Variants in RIMS1 observed in about 807,000 individuals in gnomAD.
RIMS1 encodes the protein regulating synaptic membrane exocytosis protein 1.
Under a neutral mutation model 214.1 loss-of-function variants are expected in RIMS1, and 83 were observed. The observed-to-expected ratio is 0.39, with a 90% CI of 0.32 to 0.47. The LOEUF (loss-of-function observed/expected upper bound fraction) is 0.47. RIMS1 is among the 20% of genes least tolerant of loss of function. The pLI is 0.99. For synonymous variants in RIMS1, 793 were observed against 786.8 expected (o/e 1.01, Z -0.13); for missense variants, 2,050 against 2,161.8 (o/e 0.95, Z 1.03).
intron 29 of RIMS1, among the ~76,000 whole-genome samples, chr6:72,358,901 T>C (rs2097731712): frequency 6.6e-6 from 1 of 152,196 alleles, no homozygotes; most frequent in Non-Finnish European, 1.5e-5. Flanking sequence ...ATACACTGAC[T>C]GCCCTCAGAG....
At chr6:72,390,968 T>C in intron 30 of RIMS1, 1 of 397,360 alleles carries the variant, frequency 2.5e-6, no homozygotes, top group Non-Finnish European at 4.4e-6. Flanking sequence ...CATGAACAAA[T>C]TGATTTCTTG....
intron 2 of RIMS1, among the ~76,000 whole-genome samples, chr6:72,033,182 A>T (rs1818630050): frequency 6.6e-6 from 1 of 152,310 alleles, no homozygotes; most frequent in East Asian, 1.9e-4. Flanking sequence ...CCTTAGATCT[A>T]CAGTTCAAAA....
intron 26 of RIMS1, among the ~76,000 whole-genome samples, chr6:72,304,656 C>T (rs1435613423): frequency 2.6e-5 from 4 of 151,822 alleles, no homozygotes; most frequent in Non-Finnish European, 5.9e-5. Context: ...CACATTTACA[C>T]TGAAGGTTTT....
At chr6:72,161,869 T>C (rs2045474768) in intron 4 of RIMS1, among the ~76,000 whole-genome samples, 1 of 140,934 alleles carries the variant, frequency 7.1e-6, no homozygotes, top group African/African-American at 2.5e-5. Flanking sequence ...ATTCTGTTGA[T>C]TTGGGGTGGA....
At chr6:72,061,658 T>A (rs1827888625) in intron 2 of RIMS1, among the ~76,000 whole-genome samples, 1 of 152,254 alleles carries the variant, frequency 6.6e-6, no homozygotes, top group Non-Finnish European at 1.5e-5. Flanking sequence ...CGGACCCTCC[T>A]CTAGTTTTCT....
intron 2 of RIMS1, among the ~76,000 whole-genome samples, chr6:72,095,735 T>C (rs1395520564): frequency 6.6e-6 from 1 of 152,238 alleles, no homozygotes; most frequent in Admixed American, 6.5e-5. Context: ...CCTAACTTAT[T>C]TGATTCTATT....
At chr6:72,335,813 C>T (rs925932362) in intron 29 of RIMS1, among the ~76,000 whole-genome samples, 1 of 151,942 alleles carries the variant, frequency 6.6e-6, no homozygotes, top group Non-Finnish European at 1.5e-5. Flanking sequence ...TTGCATTTCT[C>T]TAATGACCAG....
At chr6:72,047,927 T>A (rs1272148946) in intron 2 of RIMS1, among the ~76,000 whole-genome samples, 1 of 152,182 alleles carries the variant, frequency 6.6e-6, no homozygotes, top group East Asian at 1.9e-4. Context: ...TTATTCCAGT[T>A]AGTAAGCAAG....
chr6:72,155,981 G>A (rs879434495), intron 4 of RIMS1: 5 of 250,060 alleles, frequency 2.0e-5, no homozygotes, highest in Non-Finnish European at 2.5e-5. Context: ...GTGTTGGTGA[G>A]GATATGGAGA....
At chr6:72,012,463 G>A (rs915333800) in intron 2 of RIMS1, among the ~76,000 whole-genome samples, 10 of 151,930 alleles carry the variant, frequency 6.6e-5, no homozygotes, top group African/African-American at 2.2e-4. Flanking sequence ...CATGTACTCT[G>A]AAACTTAAAG....
chr6:72,114,462 T>G lies in RIMS1; in HGVS notation c.471+14476T>G, dbSNP rs575639856. ...CTCCTGACTTTTAAAATAAGATCATTTGATTAATTTATGTCAAGATAAATT... is the reference window on the plus strand; with the variant it reads ...CTCCTGACTTTTAAAATAAGATCATGTGATTAATTTATGTCAAGATAAATT... On this transcript the variant is annotated intron_variant, in intron 4 of 33. Coordinates refer to ENST00000521978, the MANE Select transcript of RIMS1 (RefSeq NM_014989.7). Among the ~76,000 whole-genome samples the G allele has an allele frequency of 5.9e-5, 9 of 152,132 alleles. No individual in the cohort carries two copies. In the East Asian group the frequency reaches 1.7e-3, roughly 29 times the overall value.
At chr6:72,178,437 A>G (rs2048004408) in intron 4 of RIMS1, among the ~76,000 whole-genome samples, 1 of 152,086 alleles carries the variant, frequency 6.6e-6, no homozygotes, top group Admixed American at 6.5e-5. Flanking sequence ...TCTATTACTT[A>G]TCAGTTAATG....
At chr6:72,191,514 C>T (rs2050070898) in intron 6 of RIMS1, among the ~76,000 whole-genome samples, 2 of 152,202 alleles carry the variant, frequency 1.3e-5, no homozygotes, top group Admixed American at 1.3e-4. Flanking sequence ...AGTGTGATAC[C>T]TTGTAGAAGG....
chr6:72,398,909 T>C (rs549404625), intron 32 of RIMS1, 46 bp from the exon 33 acceptor site: 1 of 1,231,492 alleles, frequency 8.1e-7, no homozygotes, highest in Admixed American at 2.0e-5. Flanking sequence ...AAAAAATAGT[T>C]GAATTTAAGG....
chr6:72,171,978 T>C (rs142049517), intron 4 of RIMS1, among the ~76,000 whole-genome samples: 3 of 152,092 alleles, frequency 2.0e-5, no homozygotes, highest in Middle Eastern at 3.4e-3. Context: ...AAGAGAATAA[T>C]AGAATAGATG....
intron 26 of RIMS1, among the ~76,000 whole-genome samples, chr6:72,299,805 A>C (rs1410026713): frequency 6.6e-6 from 1 of 151,840 alleles, no homozygotes; most frequent in Non-Finnish European, 1.5e-5. Context: ...TACTCTTTTT[A>C]AAATAAGTAA....
chr6:72,081,683 A>G (rs553273715), intron 2 of RIMS1, among the ~76,000 whole-genome samples: 26 of 152,218 alleles, frequency 1.7e-4, no homozygotes, highest in Non-Finnish European at 3.2e-4. Flanking sequence ...GTTCTGGGTT[A>G]CATGGGACAG....
intron 4 of RIMS1, among the ~76,000 whole-genome samples, chr6:72,164,820 T>G (rs1219386958): frequency 6.6e-6 from 1 of 152,178 alleles, no homozygotes; most frequent in Non-Finnish European, 1.5e-5. Context: ...TTACTATATC[T>G]ACAAATGGCA....
At chr6:72,334,627 A>G (rs961415623) in intron 29 of RIMS1, among the ~76,000 whole-genome samples, 2 of 151,926 alleles carry the variant, frequency 1.3e-5, no homozygotes, top group Admixed American at 1.3e-4. Flanking sequence ...ATAGCCAGCA[A>G]CTGTTTTTTC....
Sources: allele counts gnomAD v4.1 joint callset (sites outside exome capture counted in the v4.1 genomes callset), GRCh38; gene constraint gnomAD v4.1.1; transcripts MANE v1.5; gene names NCBI Gene and HGNC (gene_info 2026-07-23, HGNC 2026-07-21).